TAFA5: variants seen among roughly 807,000 people sequenced by gnomAD.
The protein encoded by TAFA5 is chemokine-like protein TAFA-5.
In TAFA5, 6 loss-of-function variants were observed where a neutral mutation model predicts 15.3. The observed-to-expected ratio is 0.39, with a 90% confidence interval of 0.21 to 0.77. The LOEUF (loss-of-function observed/expected upper bound fraction) is 0.77. Among genes scored for constraint, TAFA5 ranks in the 30% least tolerant of loss-of-function variants. The probability of loss-of-function intolerance (pLI) is 0.41; values close to 1 mark genes in which losing one functional copy is unlikely to be tolerated. For missense variants in TAFA5, 161 were observed against 193.1 expected (o/e 0.83, Z 0.98); for synonymous variants, 103 against 80.7 (o/e 1.28, Z -1.48).
chr22:48,614,629 A>G (rs1026343419), intron 1 of TAFA5, among the ~76,000 whole-genome samples: 1 of 152,202 alleles, frequency 6.6e-6, no homozygotes, highest in Non-Finnish European at 1.5e-5. Flanking sequence ...CCACAGAGTC[A>G]TGGCTGGGAA....
At position 48,682,016 on chromosome 22, in the gene TAFA5, G is replaced by A. The variant is rs1187262154; in HGVS notation, c.263-25701G>A. ...CACTGGAGACTCGGGGCCTCCCAGG[G>A]CCTGAGGCTGCGGCTCCCCAAGGCC... On this transcript the variant is annotated intron_variant, in intron 2 of 3. Coordinates refer to ENST00000402357, the MANE Select transcript of TAFA5 (RefSeq NM_001082967.3). Among the ~76,000 whole-genome samples, 5 of 59,268 alleles carry A rather than the reference G, an allele frequency of 8.4e-5. 2 individuals are homozygous for A. The highest frequency in any genetic ancestry group is 2.1e-4 in the African/African-American group (5 of 23,560). The allele number at this position is 59,268 out of a possible 152,430, so 38.9% of individuals were successfully genotyped here. A position where few individuals can be genotyped will look rare whatever the true frequency, so the allele number is the denominator to read the frequency against.
intron 1 of TAFA5, among the ~76,000 whole-genome samples, chr22:48,561,061 A>G (rs192087124): frequency 5.3e-4 from 81 of 152,134 alleles, no homozygotes; most frequent in African/African-American, 1.9e-3. Flanking sequence ...CTGCTCTTCA[A>G]GCTGGGAGGT....
At chr22:48,745,717 A>G (rs948059236) in intron 3 of TAFA5, among the ~76,000 whole-genome samples, 1 of 152,140 alleles carries the variant, frequency 6.6e-6, no homozygotes, top group Non-Finnish European at 1.5e-5. Flanking sequence ...TCTTCTGTCC[A>G]CTGTGGTCCA....
At chr22:48,723,015 G>A (rs554069065) in intron 3 of TAFA5, among the ~76,000 whole-genome samples, 1 of 152,180 alleles carries the variant, frequency 6.6e-6, no homozygotes, top group Non-Finnish European at 1.5e-5. Context: ...CGTTCTAGCT[G>A]TCTCTAGCCC....
At chr22:48,639,690 A>G (rs1460913383) in intron 1 of TAFA5, among the ~76,000 whole-genome samples, 2 of 152,174 alleles carry the variant, frequency 1.3e-5, no homozygotes, top group Non-Finnish European at 2.9e-5. Flanking sequence ...ACCTGGAAGA[A>G]GGGGGTACCG....
rs572288413 is a variant in TAFA5 at position 48,635,880 on chromosome 22, A to C, written c.113-10717A>C. Among the ~76,000 whole-genome samples, 4 of 152,210 alleles carry C rather than the reference A, an allele frequency of 2.6e-5. No homozygotes were observed. In the South Asian group the frequency reaches 8.3e-4, roughly 32 times the overall value. On this transcript the variant is annotated intron_variant, in intron 1 of 3. Transcript: ENST00000402357. ...CAGCCATTGTTGCTTTTTTATTTGT[A>C]GTGTCATCTTCTCCACCTGCTTCTG...
rs944489726 is a variant in TAFA5, at chr22:48,750,254, G to A, written c.*407G>A. On this transcript the variant is annotated 3_prime_UTR_variant, in exon 4 of 4. Transcript: ENST00000402357. ...CCCCAGGGGACTGTCAGGCACAGAA[G>A]CGGCCTCCTCCCGTGCCCCAGACTG... is the stretch of plus-strand genomic sequence containing the variant. 8.4e-5 allele frequency: 23 copies of A among 272,512 alleles called. No individual in the cohort carries two copies. The highest frequency in any genetic ancestry group is 4.7e-4 in the African/African-American group (21 of 44,920). The allele number at this position is 272,512 out of a possible 1,614,324, so 16.9% of individuals were successfully genotyped here. A position where few individuals can be genotyped will look rare whatever the true frequency, so the allele number is the denominator to read the frequency against.
intron 1 of TAFA5, among the ~76,000 whole-genome samples, chr22:48,534,833 A>G (rs1922097622): frequency 6.6e-6 from 1 of 152,042 alleles, no homozygotes; most frequent in Non-Finnish European, 1.5e-5. Flanking sequence ...CCGCAGGAGC[A>G]GCTGCGCTCA....
chr22:48,523,785 G>A (rs1323386463), intron 1 of TAFA5, among the ~76,000 whole-genome samples: 1 of 152,222 alleles, frequency 6.6e-6, no homozygotes, highest in Non-Finnish European at 1.5e-5. Context: ...CCCAACAGCT[G>A]AAAATAGGCC....
At chr22:48,656,311 C>T (rs1220981571) in intron 2 of TAFA5, among the ~76,000 whole-genome samples, 2 of 151,944 alleles carry the variant, frequency 1.3e-5, no homozygotes, top group African/African-American at 4.8e-5. Context: ...AATTACCATC[C>T]TGGCCAACAT....
rs920835130 is a variant in TAFA5, at chr22:48,603,423, G to A, written c.113-43174G>A. On this transcript the variant is annotated intron_variant, in intron 1 of 3. Transcript: ENST00000402357. ...ACGTGTGGCTGGGGGTGATCACCCT[G>A]GGGACAGTGGTGCCGGGTGTCTGAC... is the stretch of plus-strand genomic sequence containing the variant. 7.2e-4 allele frequency among the ~76,000 whole-genome samples: 109 copies of A among 152,252 alleles called. 1 individual carries two copies. The highest frequency in any genetic ancestry group is 2.6e-3 in the African/African-American group (107 of 41,474).
Position 48,737,987 on chromosome 22 carries a change from T to TG in TAFA5, c.391-11845dup, listed in dbSNP as rs112151421. ...GGGGGCCTTCCCTGGGGGATGCTGT[T>TG]GGGGGGGCTCTGGCCTCCTTTGGAG... is the stretch of plus-strand genomic sequence containing the variant. On this transcript the variant is annotated intron_variant, in intron 3 of 3. Transcript: ENST00000402357. Among the ~76,000 whole-genome samples, 145 of 151,770 alleles carry TG rather than the reference T, an allele frequency of 9.6e-4. 1 individual carries two copies. Among genetic ancestry groups the TG allele is most frequent in the African/African-American group, 3.2e-3 (131 of 41,388 alleles).
chr22:48,511,844 C>G (rs1009404026), intron 1 of TAFA5, among the ~76,000 whole-genome samples: 20 of 152,242 alleles, frequency 1.3e-4, no homozygotes, highest in African/African-American at 4.8e-4. Context: ...TGGTGCGTCC[C>G]CCGAAGCCGA....
chr22:48,679,769 C>T (rs1928118460), intron 2 of TAFA5, among the ~76,000 whole-genome samples: 1 of 147,488 alleles, frequency 6.8e-6, no homozygotes, highest in Non-Finnish European at 1.5e-5. Flanking sequence ...GTCCATCCCT[C>T]TCCCGGCTCC....
chr22:48,517,782 C>G (rs529003426), intron 1 of TAFA5, among the ~76,000 whole-genome samples: 4 of 152,140 alleles, frequency 2.6e-5, no homozygotes, highest in Admixed American at 2.0e-4. Context: ...CCACCTCTGC[C>G]GTGCCGTCTC....
At chr22:48,494,285 T>A (rs1928250197) in intron 1 of TAFA5, among the ~76,000 whole-genome samples, 2 of 152,246 alleles carry the variant, frequency 1.3e-5, no homozygotes, top group African/African-American at 4.8e-5. Flanking sequence ...TAGGCTCGCA[T>A]CTGCGCCGAT....
intron 1 of TAFA5, among the ~76,000 whole-genome samples, chr22:48,505,554 G>T (rs1445217698): frequency 3.3e-5 from 5 of 152,220 alleles, no homozygotes; most frequent in South Asian, 2.1e-4. Flanking sequence ...CCCAAGGGGG[G>T]CTGTGGAGCT....
chr22:48,662,808 C>A lies in TAFA5; in HGVS notation c.262+16062C>A, dbSNP rs1034504935. 2.0e-5 allele frequency among the ~76,000 whole-genome samples: 3 copies of A among 152,204 alleles called. No homozygotes were observed. In the South Asian group the frequency reaches 6.2e-4, roughly 32 times the overall value. Reference sequence around the variant, plus strand: ...GCCCTAGGCGATGGGCACCCACTAGCCCACAGAGGGGCCATCCTGGCCTAC... The same window carrying A: ...GCCCTAGGCGATGGGCACCCACTAGACCACAGAGGGGCCATCCTGGCCTAC... On this transcript the variant is annotated intron_variant, in intron 2 of 3. Transcript: ENST00000402357.
chr22:48,736,776 G>A (rs530696209), intron 3 of TAFA5, among the ~76,000 whole-genome samples: 7 of 152,298 alleles, frequency 4.6e-5, no homozygotes, highest in African/African-American at 1.4e-4. Flanking sequence ...TGAAACTTCC[G>A]GAACAGGCAA....
Sources: gnomAD v4.1 joint callset for allele counts (sites outside exome capture counted in the v4.1 genomes callset) on GRCh38, gnomAD v4.1.1 for gene constraint, MANE v1.5 for transcripts, NCBI Gene and HGNC (gene_info 2026-07-23, HGNC 2026-07-21) for gene names.